Variants in CDC16 observed in about 807,000 individuals in gnomAD.
CDC16 encodes the protein cell division cycle protein 16 homolog.
CDC16 carries 34 observed loss-of-function variants against 87.0 expected under a neutral mutation model. The ratio of observed to expected loss-of-function variants is 0.39; its 90% CI spans 0.30 to 0.52. The LOEUF is 0.52. Ranked by LOEUF, CDC16 falls within the 20% of genes least tolerant of loss-of-function variation. The probability of loss-of-function intolerance (pLI) is 0.74; values close to 1 mark genes in which losing one functional copy is unlikely to be tolerated. For missense variants in CDC16, 653 were observed against 751.9 expected (o/e 0.87, Z 1.54); for synonymous variants, 263 against 260.6 (o/e 1.01, Z -0.09).
rs1413496443 is a variant in CDC16 at position 114,244,928 on chromosome 13, C to G, written c.806C>G (p.Pro269Arg). 1.9e-6 allele frequency: 3 copies of G among 1,610,416 alleles called. No individual in the cohort carries two copies. The highest frequency in any genetic ancestry group is 2.2e-5 in the South Asian group (2 of 90,752). ...GATCCTTTCCATGCAAGTTGTTTAC[C>G]TGTACATATAGGGACGCTTGTAGAG... is the stretch of plus-strand genomic sequence containing the variant. ...EKDPFHASCLPVHIGTLVELN... is the reference protein window; with the variant it reads ...EKDPFHASCLRVHIGTLVELN... The change falls in exon 9 of 18, where the codon CCT becomes CGT. Residue 269 changes from proline to arginine, a missense_variant. Coordinates refer to ENST00000356221, the MANE Select transcript of CDC16 (RefSeq NM_001078645.3).
In CDC16 at chr13:114,244,957, A is replaced by C. The variant is rs754927506; in HGVS notation, c.835A>C (p.Asn279His). 1 of 1,583,186 alleles carries C rather than the reference A, an allele frequency of 6.3e-7. No homozygotes were observed. Among genetic ancestry groups the C allele is most frequent in the Non-Finnish European group, 8.6e-7 (1 of 1,156,454 alleles). Reference sequence around the variant, plus strand: ...ACATATAGGGACGCTTGTAGAGCTGAATAAAGCCAATGGTAAGACTTTTTT... The same window carrying C: ...ACATATAGGGACGCTTGTAGAGCTGCATAAAGCCAATGGTAAGACTTTTTT... ...PVHIGTLVEL[N>H]KANELFYLSH... Residue 279 changes from asparagine to histidine, a missense_variant, in exon 9 of 18, where the codon AAT (asparagine) becomes CAT (histidine). Asn to His is a moderately conservative substitution (Grantham distance 68). Coordinates refer to ENST00000356221, the MANE Select transcript of CDC16 (RefSeq NM_001078645.3).
chr13:114,259,396 G>C lies in CDC16; in HGVS notation c.1312G>C (p.Glu438Gln). The C allele has an allele frequency of 6.4e-7, 1 of 1,554,950 alleles. No individual in the cohort carries two copies. ...GGAAAAAATTAAAGCAATTGGGAAC[G>C]AGGTATTCTTTGTAGTACCTGTAAA... The part of the protein sequence containing the change: ...ALEKIKAIGN[E>Q]VTVDKWEPLL... Residue 438 changes from glutamate (E) to glutamine (Q), a missense_variant and splice_region_variant, in exon 14 of 18, where the codon GAG becomes CAG. Glu to Gln is a conservative substitution (Grantham distance 29). Coordinates refer to ENST00000356221, the MANE Select transcript of CDC16 (RefSeq NM_001078645.3).
At chr13:114,265,129 A>T in intron 16 of CDC16, 21 bp from the exon 17 acceptor site, 1 of 1,505,186 alleles carries the variant, frequency 6.6e-7, no homozygotes, top group Non-Finnish European at 9.3e-7. Context: ...TTTAATAACC[A>T]TGCTGAATCT....
chr13:114,248,671 ACT>A (rs1272117232), intron 11 of CDC16, among the ~76,000 whole-genome samples: 7 of 151,246 alleles, frequency 4.6e-5, no homozygotes, highest in South Asian at 2.1e-4. Flanking sequence ...ACAGAGTGAG[ACT>A]CTGTCTCAAA....
chr13:114,252,029 G>T (rs1052507860), intron 12 of CDC16, among the ~76,000 whole-genome samples: 3 of 148,588 alleles, frequency 2.0e-5, no homozygotes, highest in Non-Finnish European at 3.0e-5. Flanking sequence ...CCTTACACTA[G>T]CCCTGTTGGA....
At chr13:114,261,826 A>G in intron 14 of CDC16, 61 bp from the exon 15 acceptor site, 1 of 1,231,002 alleles carries the variant, frequency 8.1e-7, no homozygotes, top group South Asian at 1.4e-5. Context: ...AATTCAGTGC[A>G]AACAAATCAG....
At chr13:114,235,212 T>G in intron 1 of CDC16, 80 bp downstream of exon 1, 1 of 998,402 alleles carries the variant, frequency 1.0e-6, no homozygotes, top group Non-Finnish European at 1.3e-6. Flanking sequence ...GGGTGACTGT[T>G]GTCGGGGCTC....
chr13:114,258,445 A>G lies in CDC16; in HGVS notation c.1251-890A>G, dbSNP rs376245058. On this transcript the variant is annotated intron_variant, in intron 13 of 17. Transcript: ENST00000356221. ...TGGTCTATTTAGTGCCACAGTTTTC[A>G]CATTTTTGTGCTTTTTGTTGATGAT... 4.8e-4 allele frequency among the ~76,000 whole-genome samples: 73 copies of G among 152,250 alleles called. No individual in the cohort carries two copies. The East Asian group carries it at 6.9e-3, about 14-fold the overall frequency.
At chr13:114,244,809 T>C (rs2081758707) in intron 8 of CDC16, 81 bp from the exon 9 acceptor site, 3 of 788,478 alleles carry the variant, frequency 3.8e-6, no homozygotes, top group Non-Finnish European at 6.6e-6. Context: ...GATACCATAA[T>C]GACTGTCTAC....
intron 17 of CDC16, among the ~76,000 whole-genome samples, chr13:114,267,942 A>G (rs147455737): frequency 1.7e-3 from 252 of 152,282 alleles, no homozygotes; most frequent in African/African-American, 5.7e-3. Context: ...CCAAGGAGCA[A>G]TTAGGTAGGA....
chr13:114,260,703 G>A (rs1358265122), intron 14 of CDC16, among the ~76,000 whole-genome samples: 2 of 152,148 alleles, frequency 1.3e-5, no homozygotes, highest in South Asian at 2.1e-4. Flanking sequence ...AAAGTTATAC[G>A]AAGAGGGGGA....
intron 12 of CDC16, among the ~76,000 whole-genome samples, chr13:114,253,845 C>T (rs1410967492): frequency 6.6e-6 from 1 of 152,208 alleles, no homozygotes; most frequent in Non-Finnish European, 1.5e-5. Context: ...TCTCTTTCCT[C>T]ATTGATCTTC....
chr13:114,265,340 C>A, intron 17 of CDC16, 100 bp downstream of exon 17: 1 of 777,738 alleles, frequency 1.3e-6, no homozygotes, highest in South Asian at 1.4e-5. Context: ...GTTCCAAGTT[C>A]ATCTTTCTAA....
At chr13:114,268,142 G>GA (rs370654977) in intron 17 of CDC16, among the ~76,000 whole-genome samples, 2 of 152,100 alleles carry the variant, frequency 1.3e-5, no homozygotes, top group African/African-American at 4.8e-5. Context: ...AAAGGGGGGG[G>GA]AGTTCCCCTA....
chr13:114,239,605 A>G, intron 5 of CDC16, 115 bp downstream of exon 5: 4 of 1,264,724 alleles, frequency 3.2e-6, no homozygotes, highest in African/African-American at 1.5e-5. Flanking sequence ...TGTGGTTGCC[A>G]ATTTATTTAA....
intron 5 of CDC16, 134 bp from the exon 6 acceptor site, chr13:114,241,987 G>GGCT: frequency 1.0e-6 from 1 of 977,644 alleles, no homozygotes; most frequent in Non-Finnish European, 1.5e-6. Flanking sequence ...AGGAGTTCAA[G>GGCT]GCTGCAGTGA....
intron 17 of CDC16, 59 bp downstream of exon 17, chr13:114,265,299 T>C (rs2083131474): frequency 9.6e-7 from 1 of 1,047,116 alleles, no homozygotes; most frequent in Admixed American, 1.7e-5. Context: ...GTCATATGTC[T>C]CTGTTTATGT....
chr13:114,261,999 C>T (rs376199182), intron 15 of CDC16, 51 bp downstream of exon 15: 5 of 1,137,868 alleles, frequency 4.4e-6, no homozygotes, highest in Non-Finnish European at 5.2e-6. Context: ...TCAAAGTTTA[C>T]TTAATTTTGA....
rs779370100 is a variant in CDC16, at chr13:114,257,047, G to A, written c.1098-31G>A. On this transcript the variant is annotated intron_variant, in intron 12 of 17. Transcript: ENST00000356221. ...TTTCTGCTAAATCACAGTTTTTGGT[G>A]TTGAATATGTGAAATTTTCCAATTT... The A allele has an allele frequency of 2.1e-6, 3 of 1,463,232 alleles. No individual in the cohort carries two copies. In the African/African-American group the frequency reaches 4.2e-5, roughly 21 times the overall value. The allele number at this position is 1,463,232 out of a possible 1,614,324, so 90.6% of individuals were successfully genotyped here.
Sources: gnomAD v4.1 joint callset for allele counts (sites outside exome capture counted in the v4.1 genomes callset) on GRCh38, gnomAD v4.1.1 for gene constraint, MANE v1.5 for transcripts, NCBI Gene and HGNC (gene_info 2026-07-23, HGNC 2026-07-21) for gene names.